Variants in PRTFDC1 observed in about 807,000 individuals in gnomAD.
PRTFDC1 encodes phosphoribosyltransferase domain-containing protein 1.
Under a neutral mutation model 34.6 loss-of-function variants are expected in PRTFDC1, and 38 were observed. The observed-to-expected ratio is 1.10, with a 90% confidence interval of 0.85 to 1.44. PRTFDC1 has a LOEUF of 1.44. Among genes scored for constraint, PRTFDC1 ranks in the 40% most tolerant of loss-of-function variants. The pLI is 0.00. For synonymous variants in PRTFDC1, 93 were observed against 98.1 expected (o/e 0.95, Z 0.31); for missense variants, 270 against 283.0 (o/e 0.95, Z 0.33).
At position 24,849,351 on chromosome 10, in the gene PRTFDC1, C is replaced by T. The variant is rs41279878; in HGVS notation, c.*493G>A. The T allele has an allele frequency of 0.019, 2,868 of 152,854 alleles. 72 individuals carry two copies. The highest frequency in any genetic ancestry group is 0.12 in the East Asian group (609 of 5,186). The allele number at this position is 152,854 out of a possible 1,614,324, so 9.5% of individuals were successfully genotyped here. On this transcript the variant is annotated 3_prime_UTR_variant, in exon 9 of 9. Coordinates refer to ENST00000320152, the MANE Select transcript of PRTFDC1 (RefSeq NM_020200.7). ...AGAAATTTATATTAAATTGTCCTTTCCCTCCTTTTAAAATATGGGAATCTA... is the reference window on the plus strand; with the variant it reads ...AGAAATTTATATTAAATTGTCCTTTTCCTCCTTTTAAAATATGGGAATCTA...
chr10:24,896,267 T>C (rs935698410), intron 3 of PRTFDC1, among the ~76,000 whole-genome samples: 1 of 152,172 alleles, frequency 6.6e-6, no homozygotes, highest in Non-Finnish European at 1.5e-5. Flanking sequence ...CACAACCCTA[T>C]GGCGAACTGT....
chr10:24,913,597 A>G (rs1474429568), intron 3 of PRTFDC1, among the ~76,000 whole-genome samples: 1 of 152,234 alleles, frequency 6.6e-6, no homozygotes, highest in Non-Finnish European at 1.5e-5. Flanking sequence ...CAGTATTTAG[A>G]AATTGTCATC....
chr10:24,887,190 T>G (rs1221273228), intron 3 of PRTFDC1, among the ~76,000 whole-genome samples: 2 of 151,626 alleles, frequency 1.3e-5, no homozygotes. Flanking sequence ...CAGGATGGTC[T>G]CGATCTCCTG....
intron 3 of PRTFDC1, among the ~76,000 whole-genome samples, chr10:24,927,573 G>A (rs1039375335): frequency 1.3e-5 from 2 of 149,064 alleles, no homozygotes; most frequent in African/African-American, 2.5e-5. Context: ...GTGATATTGC[G>A]GGACCCAATT....
chr10:24,879,380 G>C (rs1044254250), intron 3 of PRTFDC1, among the ~76,000 whole-genome samples: 2 of 150,498 alleles, frequency 1.3e-5, no homozygotes, highest in African/African-American at 4.9e-5. Flanking sequence ...TTTCGCTCTT[G>C]TTACCCAGGC....
At chr10:24,895,831 C>T (rs138439281) in intron 3 of PRTFDC1, among the ~76,000 whole-genome samples, 1 of 150,734 alleles carries the variant, frequency 6.6e-6, no homozygotes, top group Admixed American at 6.6e-5. Context: ...CAATTTTTAA[C>T]CCATTACAAC....
intron 4 of PRTFDC1, among the ~76,000 whole-genome samples, chr10:24,859,363 G>A (rs143632792): frequency 1.1e-3 from 174 of 152,226 alleles, no homozygotes; most frequent in African/African-American, 3.8e-3. Context: ...GGGTTCAATC[G>A]ATTCTCCCAC....
chr10:24,947,879 G>A (rs561314980), intron 1 of PRTFDC1, among the ~76,000 whole-genome samples: 129 of 152,132 alleles, frequency 8.5e-4, no homozygotes, highest in African/African-American at 3.0e-3. Context: ...CAGGGAAGGA[G>A]GTACCCTGGG....
At chr10:24,892,574 T>C (rs544441892) in intron 3 of PRTFDC1, among the ~76,000 whole-genome samples, 2 of 152,248 alleles carry the variant, frequency 1.3e-5, no homozygotes, top group African/African-American at 2.4e-5. Context: ...GAAAAAATAA[T>C]CTTTTCCTGA....
At chr10:24,858,197 T>C (rs1019862607) in intron 5 of PRTFDC1, among the ~76,000 whole-genome samples, 195 bp downstream of exon 5, 6 of 152,204 alleles carry the variant, frequency 3.9e-5, no homozygotes, top group African/African-American at 1.4e-4. Flanking sequence ...CGCCCACAAA[T>C]ACTGTTGCAA....
At chr10:24,861,905 C>G (rs887109928) in intron 4 of PRTFDC1, among the ~76,000 whole-genome samples, 5 of 151,976 alleles carry the variant, frequency 3.3e-5, no homozygotes, top group Admixed American at 6.6e-5. Context: ...TCCCAGAGTG[C>G]TAGGATTACA....
At chr10:24,872,165 C>T (rs2132511999) in intron 3 of PRTFDC1, 102 bp from the exon 4 acceptor site, 1 of 979,220 alleles carries the variant, frequency 1.0e-6, no homozygotes, top group South Asian at 1.4e-5. Flanking sequence ...ATGTGCCTTA[C>T]AAATATAGCA....
intron 8 of PRTFDC1, among the ~76,000 whole-genome samples, chr10:24,850,301 A>G (rs577009900): frequency 2.6e-5 from 4 of 152,318 alleles, no homozygotes; most frequent in South Asian, 2.1e-4. Flanking sequence ...ATTTTGATTG[A>G]AAGCAACAGA....
chr10:24,934,413 G>C (rs916014777), intron 3 of PRTFDC1, among the ~76,000 whole-genome samples: 1 of 152,180 alleles, frequency 6.6e-6, no homozygotes, highest in African/African-American at 2.4e-5. Context: ...AGGCCACGAT[G>C]GGAAGAAGAA....
At chr10:24,858,642 T>C (rs997037536) in intron 4 of PRTFDC1, among the ~76,000 whole-genome samples, 5 of 152,174 alleles carry the variant, frequency 3.3e-5, no homozygotes, top group African/African-American at 1.2e-4. Flanking sequence ...GAAGCAAGCT[T>C]ATCTTAGACC....
chr10:24,919,903 C>T (rs1472183111), intron 3 of PRTFDC1, among the ~76,000 whole-genome samples: 3 of 151,912 alleles, frequency 2.0e-5, no homozygotes, highest in Admixed American at 6.6e-5. Flanking sequence ...TAGAGAAATG[C>T]AAATCAAGAC....
intron 3 of PRTFDC1, among the ~76,000 whole-genome samples, chr10:24,903,722 G>A (rs1337427687): frequency 7.5e-6 from 1 of 132,864 alleles, no homozygotes; most frequent in Non-Finnish European, 1.6e-5. Context: ...TTTTTTTTTT[G>A]AGACAGGGTC....
At chr10:24,924,002 G>T (rs142647840) in intron 3 of PRTFDC1, among the ~76,000 whole-genome samples, 3 of 152,158 alleles carry the variant, frequency 2.0e-5, no homozygotes, top group East Asian at 3.9e-4. Flanking sequence ...ACTTCGTGAC[G>T]CATGCACAAG....
At chr10:24,896,283 C>T (rs928106228) in intron 3 of PRTFDC1, among the ~76,000 whole-genome samples, 3 of 152,140 alleles carry the variant, frequency 2.0e-5, no homozygotes, top group South Asian at 2.1e-4. Context: ...ACTGTGCATG[C>T]GAGGGATCTA....
Sources: allele counts gnomAD v4.1 joint callset (sites outside exome capture counted in the v4.1 genomes callset), GRCh38; gene constraint gnomAD v4.1.1; transcripts MANE v1.5; gene names NCBI Gene and HGNC (gene_info 2026-07-23, HGNC 2026-07-21).